The following KIRREL3 variants were observed in gnomAD, a reference collection of about 807,000 sequenced individuals.
KIRREL3 encodes kin of IRRE-like protein 3.
In KIRREL3, 36 loss-of-function variants were observed where a neutral mutation model predicts 89.7. The observed-to-expected ratio is 0.40, with a 90% CI of 0.31 to 0.53. The LOEUF is 0.53. Among genes scored for constraint, KIRREL3 ranks in the 20% least tolerant of loss-of-function variants. KIRREL3 has a pLI of 0.49. For missense variants in KIRREL3, 864 were observed against 1,056.6 expected, an observed-to-expected ratio of 0.82 and a Z score of 2.53; for synonymous variants, 445 against 441.4, an observed-to-expected ratio of 1.01 and a Z score of -0.10.
At chr11:126,921,401 A>ACC (rs1947274487) in intron 1 of KIRREL3, among the ~76,000 whole-genome samples, 1 of 108,042 alleles carries the variant, frequency 9.3e-6, no homozygotes, top group Non-Finnish European at 2.1e-5. Flanking sequence ...GTATCTATCT[A>ACC]TCTATCTATC....
rs1945415878 is a variant in KIRREL3, at chr11:126,879,501, C to A, written c.55+120954G>T. ...TAACTATAGGTCCTTCTGATCAACACCATGGTCCTTTCTCCCCTCTGATCC... is the reference window on the plus strand; with the variant it reads ...TAACTATAGGTCCTTCTGATCAACAACATGGTCCTTTCTCCCCTCTGATCC... On this transcript the variant is annotated intron_variant, in intron 1 of 16. Coordinates refer to ENST00000525144, the MANE Select transcript of KIRREL3 (RefSeq NM_032531.4). This position sits in a 1 kb window ranked among gnomAD's most constrained non-coding sequence, Gnocchi z 5.4. 6.6e-6 allele frequency among the ~76,000 whole-genome samples: 1 copy of A among 152,168 alleles called. No individual in the cohort carries two copies. The highest frequency in any genetic ancestry group is 2.4e-5 in the African/African-American group (1 of 41,430).
intron 1 of KIRREL3, among the ~76,000 whole-genome samples, chr11:126,856,508 A>G (rs1944512867): frequency 6.6e-6 from 1 of 151,262 alleles, no homozygotes; most frequent in African/African-American, 2.4e-5. Flanking sequence ...ACAGCCAGAA[A>G]TAATCACTAT....
At position 126,703,591 on chromosome 11, in the gene KIRREL3, T is replaced by C. The variant is rs1310614486; in HGVS notation, c.56-140679A>G. On this transcript the variant is annotated intron_variant, in intron 1 of 16. Transcript: ENST00000525144. The surrounding 1 kb of genome is among the most constrained non-coding windows in gnomAD (Gnocchi z 4.6). ...AGTCAGATCGGGAGTGATGGGGCTG[T>C]AATCCAAATGCTGGGCTGGCTGACT... Among the ~76,000 whole-genome samples, 1 of 152,206 alleles carries C rather than the reference T, an allele frequency of 6.6e-6. No individual in the cohort carries two copies. Among genetic ancestry groups the C allele is most frequent in the Non-Finnish European group, 1.5e-5 (1 of 68,032 alleles).
chr11:126,908,423 G>A lies in KIRREL3; in HGVS notation c.55+92032C>T, dbSNP rs536088792. Among the ~76,000 whole-genome samples the A allele has an allele frequency of 1.3e-5, 2 of 152,244 alleles. No homozygotes were observed. Among genetic ancestry groups the A allele is most frequent in the African/African-American group, 4.8e-5 (2 of 41,532 alleles). ...CATCTCTGACCAGCTGTGTGACTTT[G>A]GGCAAGTCACTTTAACCTCTCTGTG... is the stretch of plus-strand genomic sequence containing the variant. On this transcript the variant is annotated intron_variant, in intron 1 of 16. Coordinates refer to ENST00000525144, the MANE Select transcript of KIRREL3 (RefSeq NM_032531.4). The surrounding 1 kb of genome is among the most constrained non-coding windows in gnomAD (Gnocchi z 4.2).
At position 126,708,596 on chromosome 11, in the gene KIRREL3, G is replaced by A. The variant is rs941200455; in HGVS notation, c.56-145684C>T. ...GTGGGCTCCGGGGTGGGGAAGGAAG[G>A]AGGGCGTTCGGCTCAACGTCCAGGA... On this transcript the variant is annotated intron_variant, in intron 1 of 16. Coordinates refer to ENST00000525144, the MANE Select transcript of KIRREL3 (RefSeq NM_032531.4). The surrounding 1 kb of genome is among the most constrained non-coding windows in gnomAD (Gnocchi z 5.7). 2.0e-5 allele frequency among the ~76,000 whole-genome samples: 3 copies of A among 152,086 alleles called. No individual in the cohort carries two copies. In the South Asian group the frequency reaches 6.2e-4, roughly 32 times the overall value.
rs1405937192 is a variant in KIRREL3, at chr11:126,867,851, G to A, written c.55+132604C>T. Among the ~76,000 whole-genome samples the A allele has an allele frequency of 6.6e-6, 1 of 152,054 alleles. No homozygotes were observed. Among genetic ancestry groups the A allele is most frequent in the Non-Finnish European group, 1.5e-5 (1 of 68,014 alleles). On this transcript the variant is annotated intron_variant, in intron 1 of 16. Transcript: ENST00000525144. This position sits in a 1 kb window ranked among gnomAD's most constrained non-coding sequence, Gnocchi z 4.7. The stretch of plus-strand genomic sequence containing the variant: ...GATTTTTAGGTTTGAGTTTAGTTCT[G>A]CAATAAAACTGTGGACTCCCCACGG...
intron 5 of KIRREL3, among the ~76,000 whole-genome samples, chr11:126,464,403 T>C (rs2134256931): frequency 6.6e-6 from 1 of 150,718 alleles, no homozygotes; most frequent in South Asian, 2.1e-4. Context: ...TGGTGGCTTG[T>C]GCCTGTAGTC....
At chr11:126,794,809 C>T (rs563054946) in intron 1 of KIRREL3, among the ~76,000 whole-genome samples, 1 of 152,316 alleles carries the variant, frequency 6.6e-6, no homozygotes, top group East Asian at 1.9e-4. Flanking sequence ...ATGTCTATAA[C>T]AGCTTTATTA....
intron 1 of KIRREL3, among the ~76,000 whole-genome samples, chr11:126,938,385 G>A (rs149639417): frequency 2.6e-3 from 403 of 152,280 alleles, no homozygotes; most frequent in Middle Eastern, 0.014. Flanking sequence ...TTACAACTCT[G>A]CAGGCTGAGT....
chr11:126,719,121 T>A lies in KIRREL3; in HGVS notation c.56-156209A>T, dbSNP rs1326306715. ...AACTCAGAAGAGCTGTCTCTCACTGTCTCCTTCATCTAGACAAACGCATTT... is the reference window on the plus strand; with the variant it reads ...AACTCAGAAGAGCTGTCTCTCACTGACTCCTTCATCTAGACAAACGCATTT... On this transcript the variant is annotated intron_variant, in intron 1 of 16. Coordinates refer to ENST00000525144, the MANE Select transcript of KIRREL3 (RefSeq NM_032531.4). The surrounding 1 kb of genome is among the most constrained non-coding windows in gnomAD (Gnocchi z 4.7). Among the ~76,000 whole-genome samples the A allele has an allele frequency of 6.6e-6, 1 of 152,226 alleles. No individual in the cohort carries two copies. The highest frequency in any genetic ancestry group is 2.4e-5 in the African/African-American group (1 of 41,458).
chr11:126,640,748 C>T lies in KIRREL3; in HGVS notation c.56-77836G>A, dbSNP rs1214400184. Among the ~76,000 whole-genome samples the T allele has an allele frequency of 6.6e-6, 1 of 152,060 alleles. No individual in the cohort carries two copies. The highest frequency in any genetic ancestry group is 1.9e-4 in the East Asian group (1 of 5,178). ...CTATGCCTAACTCTGTATGAGGGGT[C>T]GCTCAGAATGGAGGCATGCATGAAA... On this transcript the variant is annotated intron_variant, in intron 1 of 16. Coordinates refer to ENST00000525144, the MANE Select transcript of KIRREL3 (RefSeq NM_032531.4). This position sits in a 1 kb window ranked among gnomAD's most constrained non-coding sequence, Gnocchi z 4.9.
chr11:126,813,859 G>C (rs986411506), intron 1 of KIRREL3, among the ~76,000 whole-genome samples: 16 of 152,044 alleles, frequency 1.1e-4, no homozygotes, highest in South Asian at 8.3e-4. Context: ...ACATGCAAGG[G>C]TTTCATGATG....
rs576971157 is a variant in KIRREL3 at position 126,535,951 on chromosome 11, C to T, written c.134-9264G>A. Among the ~76,000 whole-genome samples, 20 of 151,984 alleles carry T rather than the reference C, an allele frequency of 1.3e-4. No individual in the cohort carries two copies. The highest frequency in any genetic ancestry group is 4.3e-4 in the African/African-American group (18 of 41,436). On this transcript the variant is annotated intron_variant, in intron 2 of 16. Coordinates refer to ENST00000525144, the MANE Select transcript of KIRREL3 (RefSeq NM_032531.4). This position sits in a 1 kb window ranked among gnomAD's most constrained non-coding sequence, Gnocchi z 4.5. ...AGTGAGCCAAGATCGCACCATTGCACTCCAGCCTAGGGGACAGAGTGAGAC... is the reference window on the plus strand; with the variant it reads ...AGTGAGCCAAGATCGCACCATTGCATTCCAGCCTAGGGGACAGAGTGAGAC...
chr11:126,492,835 G>A lies in KIRREL3; in HGVS notation c.434-19369C>T, dbSNP rs893016566. On this transcript the variant is annotated intron_variant, in intron 4 of 16. Transcript: ENST00000525144. This position sits in a 1 kb window ranked among gnomAD's most constrained non-coding sequence, Gnocchi z 4.8. ...TCTTGGATGCTCTGGAGAGGGAGGG[G>A]GCAGGACTAGATAGAGACCTCCAGG... Among the ~76,000 whole-genome samples, 1 of 152,060 alleles carries A rather than the reference G, an allele frequency of 6.6e-6. No homozygotes were observed. Among genetic ancestry groups the A allele is most frequent in the African/African-American group, 2.4e-5 (1 of 41,402 alleles).
chr11:126,921,992 T>A (rs1947348302), intron 1 of KIRREL3, among the ~76,000 whole-genome samples: 2 of 148,510 alleles, frequency 1.3e-5, no homozygotes, highest in South Asian at 4.3e-4. Flanking sequence ...TCTATCTATC[T>A]ATCTATCTAT....
In KIRREL3 at chr11:126,606,103, A is replaced by G. The variant is rs2134768944; in HGVS notation, c.56-43191T>C. Among the ~76,000 whole-genome samples, 1 of 152,346 alleles carries G rather than the reference A, an allele frequency of 6.6e-6. No individual in the cohort carries two copies. On this transcript the variant is annotated intron_variant, in intron 1 of 16. Transcript: ENST00000525144. The surrounding 1 kb of genome is among the most constrained non-coding windows in gnomAD (Gnocchi z 4.6). ...TCCATTTCTTCAGTAAAATGGAGCT[A>G]ATAATCATATTTGCTTCATAGAGCC...
chr11:126,964,691 G>C (rs548917491), intron 1 of KIRREL3, among the ~76,000 whole-genome samples: 2 of 152,106 alleles, frequency 1.3e-5, no homozygotes, highest in African/African-American at 4.8e-5. Context: ...GACTCAGAAC[G>C]AAGGCAGCAC....
At chr11:126,577,160 G>A (rs566445234) in intron 1 of KIRREL3, among the ~76,000 whole-genome samples, 1 of 152,294 alleles carries the variant, frequency 6.6e-6, no homozygotes, top group South Asian at 2.1e-4. Flanking sequence ...GTTTCCTATC[G>A]ACCCGGTGTG....
At chr11:126,632,490 A>G (rs1944071631) in intron 1 of KIRREL3, among the ~76,000 whole-genome samples, 1 of 152,226 alleles carries the variant, frequency 6.6e-6, no homozygotes, top group South Asian at 2.1e-4. Context: ...TTTGGCTCGG[A>G]GGAAGGCAGC....
Sources: gnomAD v4.1 joint callset for allele counts (sites outside exome capture counted in the v4.1 genomes callset) on GRCh38, gnomAD v4.1.1 for gene constraint, Gnocchi (gnomAD v3.1) non-coding constraint, MANE v1.5 for transcripts, NCBI Gene and HGNC (gene_info 2026-07-23, HGNC 2026-07-21) for gene names.